The following CHST11 variants were observed in gnomAD, a reference collection of about 807,000 sequenced individuals.
CHST11 encodes the protein carbohydrate sulfotransferase 11, also known as C4S-1.
In CHST11, 9 loss-of-function variants were observed where a neutral mutation model predicts 30.4. The observed-to-expected ratio is 0.30, with a 90% CI of 0.18 to 0.52. The LOEUF (loss-of-function observed/expected upper bound fraction) is 0.52. Among genes scored for constraint, CHST11 ranks in the 20% least tolerant of loss-of-function variants. CHST11 has a pLI of 0.97. For synonymous variants in CHST11, 152 were observed against 187.8 expected (o/e 0.81, Z 1.56); for missense variants, 348 against 460.6 (o/e 0.76, Z 2.24).
chr12:104,694,425 C>G (rs2039926015), intron 2 of CHST11, among the ~76,000 whole-genome samples: 2 of 152,148 alleles, frequency 1.3e-5, no homozygotes, highest in African/African-American at 4.8e-5. Flanking sequence ...TGCACCAGGC[C>G]CCGGAGTTCA....
chr12:104,545,628 C>G (rs1373575070), intron 1 of CHST11, among the ~76,000 whole-genome samples: 1 of 152,166 alleles, frequency 6.6e-6, no homozygotes, highest in Non-Finnish European at 1.5e-5. Context: ...GCTGCTGTAA[C>G]AAACAAAGGC....
intron 1 of CHST11, among the ~76,000 whole-genome samples, chr12:104,461,791 T>A (rs1593946343): frequency 6.6e-6 from 1 of 152,348 alleles, no homozygotes; most frequent in South Asian, 2.1e-4. Flanking sequence ...GCACTTTCAC[T>A]TGATCAGGTT....
chr12:104,529,275 T>C (rs2038158001), intron 1 of CHST11, among the ~76,000 whole-genome samples: 1 of 152,188 alleles, frequency 6.6e-6, no homozygotes, highest in African/African-American at 2.4e-5. Context: ...TAGGTCAACT[T>C]GTTGTGTGAC....
At chr12:104,507,826 T>G (rs1162764779) in intron 1 of CHST11, among the ~76,000 whole-genome samples, 1 of 152,166 alleles carries the variant, frequency 6.6e-6, no homozygotes, top group Non-Finnish European at 1.5e-5. Context: ...TTTTAAGTTC[T>G]TTTCTCACCC....
intron 1 of CHST11, among the ~76,000 whole-genome samples, chr12:104,488,703 A>G (rs1160843478): frequency 6.0e-5 from 7 of 117,222 alleles, no homozygotes; most frequent in Admixed American, 7.8e-5. Flanking sequence ...ATGTGTGTGT[A>G]TGTGTGTATG....
At position 104,458,430 on chromosome 12, in the gene CHST11, T is replaced by A. The variant is rs1425840622; in HGVS notation, c.118+901T>A. 6.6e-6 allele frequency among the ~76,000 whole-genome samples: 1 copy of A among 152,172 alleles called. No individual in the cohort carries two copies. Among genetic ancestry groups the A allele is most frequent in the Admixed American group, 6.5e-5 (1 of 15,286 alleles). ...CTTGTGGCTCAGGCAAAGTTCCACG[T>A]CCGAAATCTGGACTGGGGGAGGGAC... On this transcript the variant is annotated intron_variant, in intron 1 of 2. Coordinates refer to ENST00000303694, the MANE Select transcript of CHST11 (RefSeq NM_018413.6). The surrounding 1 kb of genome is among the most constrained non-coding windows in gnomAD (Gnocchi z 5.7).
chr12:104,550,009 A>T lies in CHST11; in HGVS notation c.119-51897A>T, dbSNP rs142163406. Among the ~76,000 whole-genome samples the T allele has an allele frequency of 3.3e-4, 50 of 152,260 alleles. 1 individual carries two copies. In the East Asian group the frequency reaches 9.7e-3, roughly 29 times the overall value. ...GGTGGCACCCAGGTGAAAAGAGGCC[A>T]CTCATTATTTCTCAGCTGGCTGTAA... On this transcript the variant is annotated intron_variant, in intron 1 of 2. Transcript: ENST00000303694.
chr12:104,754,036 T>C lies in CHST11; in HGVS notation c.205-2913T>C, dbSNP rs143789942. On this transcript the variant is annotated intron_variant, in intron 2 of 2. Transcript: ENST00000303694. ...TCTTTGCACATATAGATTATTGCTC[T>C]GCCCTTTATAGTGGGGATAAATTTG... Among the ~76,000 whole-genome samples the C allele has an allele frequency of 3.8e-3, 572 of 152,376 alleles. 2 individuals carry two copies. The highest frequency in any genetic ancestry group is 5.4e-3 in the Non-Finnish European group (365 of 68,036).
At chr12:104,717,935 G>A (rs1168215530) in intron 2 of CHST11, among the ~76,000 whole-genome samples, 1 of 152,122 alleles carries the variant, frequency 6.6e-6, no homozygotes. Flanking sequence ...GGGCGACAGA[G>A]CAAGACTCTG....
intron 2 of CHST11, among the ~76,000 whole-genome samples, chr12:104,701,251 G>A (rs946553665): frequency 1.3e-5 from 2 of 152,068 alleles, no homozygotes; most frequent in Admixed American, 6.5e-5. Flanking sequence ...CCCAGAATGT[G>A]TCCCCTCTTT....
chr12:104,652,794 T>G (rs2039504757), intron 2 of CHST11, among the ~76,000 whole-genome samples: 1 of 152,196 alleles, frequency 6.6e-6, no homozygotes. Context: ...TGTTTGCCTG[T>G]GGAAGCTGGC....
At chr12:104,556,315 A>G (rs746923119) in intron 1 of CHST11, among the ~76,000 whole-genome samples, 2 of 152,146 alleles carry the variant, frequency 1.3e-5, no homozygotes, top group Non-Finnish European at 2.9e-5. Context: ...TTTCCCAGCT[A>G]AGAGATTATA....
At chr12:104,566,792 C>A (rs910680449) in intron 1 of CHST11, among the ~76,000 whole-genome samples, 2 of 152,102 alleles carry the variant, frequency 1.3e-5, no homozygotes, top group Non-Finnish European at 2.9e-5. Flanking sequence ...AGTGTGAGTA[C>A]GGCAGACATC....
At chr12:104,646,045 C>T (rs1305479288) in intron 2 of CHST11, among the ~76,000 whole-genome samples, 1 of 152,260 alleles carries the variant, frequency 6.6e-6, no homozygotes, top group Non-Finnish European at 1.5e-5. Context: ...GTCCCGCATG[C>T]AGGATGCTGC....
In CHST11 at chr12:104,489,185, C is replaced by T. The variant is rs147897989; in HGVS notation, c.118+31656C>T. 2.8e-3 allele frequency among the ~76,000 whole-genome samples: 419 copies of T among 152,094 alleles called. 3 individuals are homozygous for T. Among genetic ancestry groups the T allele is most frequent in the African/African-American group, 7.5e-3 (313 of 41,496 alleles). ...CCAAGTAGCTGGGATTACAGGCGTC[C>T]GCCACCATTCCCAGCTAATTTTTGT... On this transcript the variant is annotated intron_variant, in intron 1 of 2. Transcript: ENST00000303694.
At chr12:104,538,168 A>AT (rs2038255653) in intron 1 of CHST11, among the ~76,000 whole-genome samples, 1 of 152,200 alleles carries the variant, frequency 6.6e-6, no homozygotes, top group African/African-American at 2.4e-5. Context: ...TCATGTCTTC[A>AT]TAGGCATGTG....
intron 1 of CHST11, among the ~76,000 whole-genome samples, chr12:104,531,566 A>AT (rs1565976948): frequency 6.6e-6 from 1 of 151,066 alleles, no homozygotes; most frequent in Non-Finnish European, 1.5e-5. Flanking sequence ...TTGTTGATTT[A>AT]TTTTTTCTTT....
intron 1 of CHST11, among the ~76,000 whole-genome samples, chr12:104,493,036 A>G (rs2037763899): frequency 1.4e-5 from 2 of 140,398 alleles, no homozygotes; most frequent in East Asian, 2.0e-4. Flanking sequence ...CAGTCTCAGG[A>G]AAAAAAAAAA....
chr12:104,603,835 T>C (rs1174103279), intron 2 of CHST11, among the ~76,000 whole-genome samples: 1 of 152,238 alleles, frequency 6.6e-6, no homozygotes, highest in Non-Finnish European at 1.5e-5. Context: ...CCTTGATTTA[T>C]AATGTGGCAT....
Sources: gnomAD v4.1 joint callset for allele counts (sites outside exome capture counted in the v4.1 genomes callset) on GRCh38, gnomAD v4.1.1 for gene constraint, Gnocchi (gnomAD v3.1) non-coding constraint, MANE v1.5 for transcripts, NCBI Gene and HGNC (gene_info 2026-07-23, HGNC 2026-07-21) for gene names.